TRAPPC9: variants seen among roughly 807,000 people sequenced by gnomAD.
The protein encoded by TRAPPC9 is trafficking protein particle complex subunit 9.
TRAPPC9 carries 83 observed loss-of-function variants against 124.0 expected under a neutral mutation model. The observed-to-expected ratio is 0.67, with a 90% CI of 0.56 to 0.80. TRAPPC9 has a LOEUF of 0.80. TRAPPC9 is among the 30% of genes least tolerant of loss of function. TRAPPC9 has a pLI of 0.00. For synonymous variants in TRAPPC9, 638 were observed against 617.5 expected, an observed-to-expected ratio of 1.03 and a Z score of -0.49; for missense variants, 1,302 against 1,508.3, an observed-to-expected ratio of 0.86 and a Z score of 2.27.
At chr8:140,384,940 G>C (rs2068713497) in intron 7 of TRAPPC9, among the ~76,000 whole-genome samples, 1 of 152,146 alleles carries the variant, frequency 6.6e-6, no homozygotes, top group Non-Finnish European at 1.5e-5. Flanking sequence ...CTCAGCAAAG[G>C]TAAAAGAACA....
At chr8:140,129,657 G>C (rs1334456726) in intron 17 of TRAPPC9, among the ~76,000 whole-genome samples, 5 of 148,768 alleles carry the variant, frequency 3.4e-5, no homozygotes, top group Non-Finnish European at 5.9e-5. Context: ...AGGATGGTGA[G>C]AGCCAGCTTT....
At chr8:140,150,153 ATTATC>A (rs939983206) in intron 17 of TRAPPC9, among the ~76,000 whole-genome samples, 1 of 152,142 alleles carries the variant, frequency 6.6e-6, no homozygotes, top group African/African-American at 2.4e-5. Context: ...GTTCTCTACT[ATTATC>A]TTATTTAGGC....
chr8:139,759,543 C>T (rs1248575037), intron 21 of TRAPPC9, among the ~76,000 whole-genome samples: 2 of 152,162 alleles, frequency 1.3e-5, no homozygotes, highest in Non-Finnish European at 2.9e-5. Flanking sequence ...AGAGGACAGA[C>T]TCGGCTTCTT....
At chr8:140,054,732 A>T (rs1375491306) in intron 17 of TRAPPC9, among the ~76,000 whole-genome samples, 1 of 152,184 alleles carries the variant, frequency 6.6e-6, no homozygotes, top group Non-Finnish European at 1.5e-5. Context: ...ATGCCACAGA[A>T]ATCTGAAAAA....
intron 2 of TRAPPC9, among the ~76,000 whole-genome samples, chr8:140,445,577 A>C (rs2071218965): frequency 6.6e-6 from 1 of 152,314 alleles, no homozygotes; most frequent in South Asian, 2.1e-4. Context: ...CCTGGGAGCC[A>C]GTGGCGGCAG....
At chr8:140,267,143 G>A (rs1431036105) in intron 15 of TRAPPC9, among the ~76,000 whole-genome samples, 2 of 152,212 alleles carry the variant, frequency 1.3e-5, no homozygotes, top group Non-Finnish European at 2.9e-5. Context: ...AAGAAAAAGC[G>A]GTTTATTCTG....
Position 140,435,102 on chromosome 8 carries a change from C to T in TRAPPC9, c.859+10G>A. 6.2e-7 allele frequency: 1 copy of T among 1,614,166 alleles called. No homozygotes were observed. The highest frequency in any genetic ancestry group is 1.3e-5 in the African/African-American group (1 of 75,066). On this transcript the variant is annotated intron_variant, in intron 4 of 22. Transcript: ENST00000438773. ...AAGTGAGCAGAGGCCGGAAAAAGGG[C>T]AGAGCTCACCTGGCCGGTGTCTATT...
At chr8:140,449,747 G>A (rs925490317) in intron 2 of TRAPPC9, among the ~76,000 whole-genome samples, 13 of 152,158 alleles carry the variant, frequency 8.5e-5, no homozygotes, top group Non-Finnish European at 1.3e-4. Context: ...AGCCACATAC[G>A]CAGGGTGCAC....
At chr8:140,198,653 T>C (rs2131145896) in intron 17 of TRAPPC9, among the ~76,000 whole-genome samples, 1 of 152,312 alleles carries the variant, frequency 6.6e-6, no homozygotes, top group East Asian at 1.9e-4. Context: ...CACAGTTGGC[T>C]CTGCGTGAAT....
chr8:140,032,399 CT>C (rs1563705289), intron 17 of TRAPPC9, among the ~76,000 whole-genome samples: 3 of 149,134 alleles, frequency 2.0e-5, no homozygotes, highest in Non-Finnish European at 4.5e-5. Flanking sequence ...CAAATGTAAA[CT>C]TTTCCTCCCC....
chr8:139,763,729 G>A (rs930400933), intron 21 of TRAPPC9, among the ~76,000 whole-genome samples: 5 of 152,248 alleles, frequency 3.3e-5, no homozygotes, highest in Admixed American at 1.3e-4. Context: ...AGGATAAAGG[G>A]AGCTGGAGGC....
At chr8:140,321,503 A>G (rs2066595279) in intron 9 of TRAPPC9, among the ~76,000 whole-genome samples, 2 of 152,228 alleles carry the variant, frequency 1.3e-5, no homozygotes, top group South Asian at 4.1e-4. Context: ...AAAATCCATC[A>G]GAGAGCTGAG....
intron 17 of TRAPPC9, among the ~76,000 whole-genome samples, chr8:140,078,399 T>C (rs1357181586): frequency 6.6e-6 from 1 of 152,118 alleles, no homozygotes; most frequent in Non-Finnish European, 1.5e-5. Flanking sequence ...CCCACCAAAA[T>C]CTTGGCCTCA....
At chr8:140,017,636 G>A (rs1047558291) in intron 18 of TRAPPC9, among the ~76,000 whole-genome samples, 1 of 152,014 alleles carries the variant, frequency 6.6e-6, no homozygotes, top group South Asian at 2.1e-4. Flanking sequence ...GCTTTACATT[G>A]TCTTAAAATC....
At chr8:140,387,631 T>C (rs913938028) in intron 7 of TRAPPC9, among the ~76,000 whole-genome samples, 11 of 152,118 alleles carry the variant, frequency 7.2e-5, no homozygotes, top group Non-Finnish European at 1.3e-4. Flanking sequence ...AAAATGCTCA[T>C]CATCACTGGC....
intron 21 of TRAPPC9, among the ~76,000 whole-genome samples, chr8:139,834,243 C>T (rs1036327903): frequency 2.0e-5 from 3 of 152,174 alleles, no homozygotes; most frequent in Non-Finnish European, 4.4e-5. Context: ...CAGGCAAGAA[C>T]GTCAGTCAAG....
chr8:140,419,805 G>A (rs2070136402), intron 5 of TRAPPC9, among the ~76,000 whole-genome samples: 1 of 151,978 alleles, frequency 6.6e-6, no homozygotes, highest in South Asian at 2.1e-4. Context: ...AGAATGGCGT[G>A]AACCCGGAAG....
At chr8:139,958,600 C>T (rs1033008882) in intron 19 of TRAPPC9, among the ~76,000 whole-genome samples, 5 of 152,352 alleles carry the variant, frequency 3.3e-5, no homozygotes, top group Non-Finnish European at 5.9e-5. Flanking sequence ...AAGAGACCCA[C>T]GCTCTTCTGC....
At position 139,742,532 on chromosome 8, in the gene TRAPPC9, A is replaced by G. The variant is rs1364459851; in HGVS notation, c.3056-10330T>C. 1.3e-5 allele frequency among the ~76,000 whole-genome samples: 2 copies of G among 152,332 alleles called. No homozygotes were observed. Among genetic ancestry groups the G allele is most frequent in the African/African-American group, 4.8e-5 (2 of 41,570 alleles). ...GCACAGCACAACACAACATGCAATC[A>G]GGGACCAGGCAAGTCAGGGGCCACC... On this transcript the variant is annotated intron_variant, in intron 21 of 22. Coordinates refer to ENST00000438773, the MANE Select transcript of TRAPPC9 (RefSeq NM_001160372.4). The surrounding 1 kb of genome is among the most constrained non-coding windows in gnomAD (Gnocchi z 4.7).
Sources: allele counts gnomAD v4.1 joint callset (sites outside exome capture counted in the v4.1 genomes callset), GRCh38; gene constraint gnomAD v4.1.1; non-coding constraint Gnocchi (gnomAD v3.1); transcripts MANE v1.5; gene names NCBI Gene and HGNC (gene_info 2026-07-23, HGNC 2026-07-21).